Variants in RRP12 observed in about 807,000 individuals in gnomAD.
The protein encoded by RRP12 is RRP12-like protein.
RRP12 carries 78 observed loss-of-function variants against 157.3 expected under a neutral mutation model. That is an observed-to-expected ratio of 0.50 (90% CI 0.41 to 0.60). The LOEUF is 0.60. RRP12 is among the 20% of genes least tolerant of loss of function. The probability of loss-of-function intolerance (pLI) is 0.00; values close to 1 mark genes in which losing one functional copy is unlikely to be tolerated. For missense variants in RRP12, 1,521 were observed against 1,679.9 expected (o/e 0.91, Z 1.65); for synonymous variants, 726 against 670.9 (o/e 1.08, Z -1.27).
At chr10:97,358,827 C>T in intron 32 of RRP12, 116 bp downstream of exon 32, 5 of 893,982 alleles carry the variant, frequency 5.6e-6, no homozygotes, top group Non-Finnish European at 9.0e-6. Context: ...CTTTCCTGGC[C>T]TCAGTTGAGT....
In RRP12 at chr10:97,358,809, C is replaced by T. The variant is rs1044227319; in HGVS notation, c.3708+134G>A. Reference sequence around the variant, plus strand: ...TGCCACAAGGTCTTAGCATCTGAACCCCTTCTTCTTTCCTGGCCTCAGTTG... The same window carrying T: ...TGCCACAAGGTCTTAGCATCTGAACTCCTTCTTCTTTCCTGGCCTCAGTTG... On this transcript the variant is annotated intron_variant, in intron 32 of 33. Coordinates refer to ENST00000370992, the MANE Select transcript of RRP12 (RefSeq NM_015179.4). The T allele has an allele frequency of 2.0e-5, 16 of 819,438 alleles. No individual in the cohort carries two copies. The African/African-American group carries it at 2.2e-4, about 11-fold the overall frequency. 50.8% of individuals were successfully genotyped at this position (819,438 alleles called of 1,614,324 possible). A position where few individuals can be genotyped will look rare whatever the true frequency, so the allele number is the denominator to read the frequency against.
chr10:97,398,037 G>GTATATA (rs1845030006), intron 2 of RRP12, among the ~76,000 whole-genome samples: 3 of 36,574 alleles, frequency 8.2e-5, no homozygotes, highest in Admixed American at 2.9e-4. Flanking sequence ...ATATATATAC[G>GTATATA]TATTTTTTTT....
intron 6 of RRP12, among the ~76,000 whole-genome samples, chr10:97,389,847 G>A (rs1334799036): frequency 2.0e-5 from 3 of 151,988 alleles, no homozygotes; most frequent in African/African-American, 7.3e-5. Flanking sequence ...CGAGTAGCTG[G>A]GATTACAAGC....
At chr10:97,381,582 G>A (rs1213362250) in intron 11 of RRP12, 99 bp from the exon 12 acceptor site, 16 of 1,229,582 alleles carry the variant, frequency 1.3e-5, no homozygotes, top group Middle Eastern at 1.9e-4. Context: ...AGAAAGCTTC[G>A]AAGAAACCTA....
intron 17 of RRP12, among the ~76,000 whole-genome samples, 162 bp downstream of exon 17, chr10:97,373,413 C>G (rs1844214669): frequency 6.6e-6 from 1 of 152,128 alleles, no homozygotes; most frequent in African/African-American, 2.4e-5. Flanking sequence ...CCCCAGGGAG[C>G]CAGCAAAGTT....
chr10:97,387,940 TCAAAAA>T (rs1844683469), intron 8 of RRP12: 1 of 93,830 alleles, frequency 1.1e-5, no homozygotes, highest in African/African-American at 2.7e-4. Context: ...AAACTCGGTC[TCAAAAA>T]AAAAAAAAAA....
intron 19 of RRP12, among the ~76,000 whole-genome samples, chr10:97,372,440 G>C (rs1469671735): frequency 6.6e-6 from 1 of 152,172 alleles, no homozygotes; most frequent in South Asian, 2.1e-4. Flanking sequence ...TTACAGATGA[G>C]GCCTTAGAGG....
Position 97,361,678 on chromosome 10 carries a change from C to T in RRP12, c.3568-1060G>A, listed in dbSNP as rs181114575. ...ACAGGAACCGGGAGGAAGCTGACTC[C>T]GACTGCAATGTAGGGGATGATGGCT... On this transcript the variant is annotated intron_variant, in intron 30 of 33. Transcript: ENST00000370992. Among the ~76,000 whole-genome samples, 670 of 152,298 alleles carry T rather than the reference C, an allele frequency of 4.4e-3. 2 individuals carry two copies. The highest frequency in any genetic ancestry group is 7.2e-3 in the Non-Finnish European group (490 of 68,018).
chr10:97,388,718 G>C, intron 6 of RRP12, 94 bp from the exon 7 acceptor site: 1 of 1,455,204 alleles, frequency 6.9e-7, no homozygotes, highest in Non-Finnish European at 9.4e-7. Flanking sequence ...AGCTTTGGCT[G>C]AAATATAGAT....
At chr10:97,393,526 G>A (rs2133094197) in intron 4 of RRP12, 158 bp downstream of exon 4, 1 of 704,086 alleles carries the variant, frequency 1.4e-6, no homozygotes, top group South Asian at 1.5e-5. Context: ...GCCTACGACG[G>A]TATGTCACAT....
chr10:97,357,483 T>C (rs1007490132), intron 33 of RRP12, among the ~76,000 whole-genome samples: 8 of 152,014 alleles, frequency 5.3e-5, no homozygotes, highest in African/African-American at 1.9e-4. Flanking sequence ...TGCCCACCCA[T>C]CCCTCCATTG....
Position 97,390,793 on chromosome 10 carries a change from G to A in RRP12, c.582C>T (p.Phe194=). 1.2e-6 allele frequency: 2 copies of A among 1,614,020 alleles called. No individual in the cohort carries two copies. Among genetic ancestry groups the A allele is most frequent in the Non-Finnish European group, 1.7e-6 (2 of 1,179,888 alleles). ...IKKFSDTSKA[F]MDIMSAQASS... is the part of the protein sequence containing the mutation. ...TGGCCTGAGCTGACATGATATCCAT[G>A]AAGGCTTTGGAGGTATCAGAGAACT... The change falls in exon 5 of 34, where the codon TTC becomes TTT. Residue 194 remains phenylalanine (F), a synonymous_variant. Transcript: ENST00000370992.
Position 97,390,787 on chromosome 10 carries a change from A to G in RRP12, c.588T>C (p.Asp196=). ...KFSDTSKAFM[D]IMSAQASSGS... ...CGCTGCTGGCCTGAGCTGACATGAT[A>G]TCCATGAAGGCTTTGGAGGTATCAG... The change falls in exon 5 of 34, where the codon GAT becomes GAC. Residue 196 remains aspartate, a synonymous_variant. Transcript: ENST00000370992. 1 of 1,614,034 alleles carries G rather than the reference A, an allele frequency of 6.2e-7. No individual in the cohort carries two copies. Among genetic ancestry groups the G allele is most frequent in the African/African-American group, 1.3e-5 (1 of 75,032 alleles).
chr10:97,393,850 A>G (rs1350042502), intron 3 of RRP12, 90 bp from the exon 4 acceptor site: 3 of 1,069,732 alleles, frequency 2.8e-6, no homozygotes, highest in Non-Finnish European at 4.2e-6. Context: ...CCAGCAGAAC[A>G]GTTGTGACTG....
At chr10:97,398,287 C>G (rs1420379719) in intron 2 of RRP12, among the ~76,000 whole-genome samples, 3 of 99,724 alleles carry the variant, frequency 3.0e-5, no homozygotes, top group African/African-American at 9.9e-5. Flanking sequence ...ATCTCCTGAC[C>G]TCATGATCCA....
intron 30 of RRP12, among the ~76,000 whole-genome samples, chr10:97,361,338 C>A (rs1409789618): frequency 2.0e-5 from 3 of 152,308 alleles, no homozygotes; most frequent in South Asian, 2.1e-4. Flanking sequence ...CAGATGTGAG[C>A]CTAGAACCAA....
chr10:97,363,680 T>C (rs190605398), intron 30 of RRP12, among the ~76,000 whole-genome samples, 174 bp downstream of exon 30: 78 of 152,322 alleles, frequency 5.1e-4, no homozygotes, highest in African/African-American at 1.8e-3. Context: ...ACCATCACCC[T>C]GTCCTGCCTG....
chr10:97,364,878 AG>A (rs1843931430), intron 29 of RRP12, among the ~76,000 whole-genome samples: 1 of 151,980 alleles, frequency 6.6e-6, no homozygotes, highest in African/African-American at 2.4e-5. Flanking sequence ...GCAGAGAGAG[AG>A]GGGAGGGGTC....
intron 2 of RRP12, 111 bp from the exon 3 acceptor site, chr10:97,396,412 G>A: frequency 1.2e-6 from 1 of 826,950 alleles, no homozygotes. Context: ...CCCAGAGACA[G>A]ACAAGACAGG....
Sources: gnomAD v4.1 joint callset for allele counts (sites outside exome capture counted in the v4.1 genomes callset) on GRCh38, gnomAD v4.1.1 for gene constraint, MANE v1.5 for transcripts, NCBI Gene and HGNC (gene_info 2026-07-23, HGNC 2026-07-21) for gene names.